SNTB1: variants seen among roughly 807,000 people sequenced by gnomAD.
SNTB1 encodes the protein beta-1-syntrophin.
In SNTB1, 36 loss-of-function variants were observed where a neutral mutation model predicts 48.9. The observed-to-expected ratio is 0.74, with a 90% CI of 0.56 to 0.97. SNTB1 has a LOEUF of 0.97. SNTB1 is among the 50% of genes least tolerant of loss of function. The pLI is 0.00. For synonymous variants in SNTB1, 299 were observed against 294.6 expected, an observed-to-expected ratio of 1.01 and a Z score of -0.15; for missense variants, 786 against 703.4, an observed-to-expected ratio of 1.12 and a Z score of -1.33.
At chr8:120,693,144 A>G (rs1664193031) in intron 2 of SNTB1, among the ~76,000 whole-genome samples, 1 of 152,154 alleles carries the variant, frequency 6.6e-6, no homozygotes, top group African/African-American at 2.4e-5. Flanking sequence ...TTGAACTAAT[A>G]GAGCAAGAAC....
intron 2 of SNTB1, among the ~76,000 whole-genome samples, chr8:120,634,738 G>C (rs1027299336): frequency 6.6e-6 from 1 of 152,072 alleles, no homozygotes; most frequent in Non-Finnish European, 1.5e-5. Context: ...GTTAACATTT[G>C]AAACCAAACT....
rs770747477 is a variant in SNTB1 at position 120,538,885 on chromosome 8, C to T, written c.1609G>A (p.Val537Met). The change falls in exon 7 of 7, where the codon GTG becomes ATG. Residue 537 changes from valine to methionine, a missense_variant. Val to Met is a conservative substitution (Grantham distance 21). Transcript: ENST00000517992. The part of the protein sequence containing the change: ...LSAKITRLGL[V>M]A ...GCAAGTCACCCCTGTCTTCAGGCCACCAAGCCCAGTCTTGTAATCTTAGCT... is the reference window on the plus strand; with the variant it reads ...GCAAGTCACCCCTGTCTTCAGGCCATCAAGCCCAGTCTTGTAATCTTAGCT... The T allele has an allele frequency of 1.9e-6, 3 of 1,613,192 alleles. No homozygotes were observed. The highest frequency in any genetic ancestry group is 2.5e-6 in the Non-Finnish European group (3 of 1,179,526).
intron 3 of SNTB1, among the ~76,000 whole-genome samples, chr8:120,603,570 T>C (rs138360548): frequency 6.6e-6 from 1 of 152,322 alleles, no homozygotes; most frequent in African/African-American, 2.4e-5. Context: ...ACCTCAAACC[T>C]ACTGAATCAG....
At chr8:120,566,762 G>C (rs1171537336) in intron 4 of SNTB1, among the ~76,000 whole-genome samples, 1 of 152,154 alleles carries the variant, frequency 6.6e-6, no homozygotes, top group Non-Finnish European at 1.5e-5. Context: ...ACATTTGCTT[G>C]TTTAACAGTC....
At chr8:120,550,964 A>G (rs1338522005) in intron 4 of SNTB1, among the ~76,000 whole-genome samples, 2 of 152,256 alleles carry the variant, frequency 1.3e-5, no homozygotes, top group Non-Finnish European at 2.9e-5. Flanking sequence ...ACTTTAAGAA[A>G]TTAAATAGCT....
intron 2 of SNTB1, among the ~76,000 whole-genome samples, chr8:120,647,253 A>T: frequency 9.0e-6 from 1 of 111,096 alleles, no homozygotes; most frequent in Admixed American, 9.5e-5. Context: ...TCTAATTGTG[A>T]TGTTAGGGTG....
chr8:120,708,064 G>T (rs1474111057), intron 1 of SNTB1, among the ~76,000 whole-genome samples: 1 of 151,584 alleles, frequency 6.6e-6, no homozygotes, highest in African/African-American at 2.4e-5. Context: ...CATAAAATTT[G>T]TATTATAAAC....
chr8:120,575,133 C>A lies in SNTB1; in HGVS notation c.1089G>T (p.Lys363Asn). The A allele has an allele frequency of 6.2e-7, 1 of 1,614,158 alleles. No individual in the cohort carries two copies. Among genetic ancestry groups the A allele is most frequent in the South Asian group, 1.1e-5 (1 of 91,074 alleles). ...LLIYDSMPRRKEAWFSPVHTY... is the reference protein window; with the variant it reads ...LLIYDSMPRRNEAWFSPVHTY... ...TGTGAACTGGGCTGAACCAGGCTTC[C>A]TTCCTCCGTGGCATGCTGTCATAGA... Residue 363 changes from lysine to asparagine, a missense_variant, in exon 4 of 7, where the codon AAG becomes AAT. Coordinates refer to ENST00000517992, the MANE Select transcript of SNTB1 (RefSeq NM_021021.4).
intron 1 of SNTB1, among the ~76,000 whole-genome samples, chr8:120,795,115 T>C (rs79184369): frequency 0.029 from 4,371 of 152,192 alleles, 197 homozygotes; most frequent in African/African-American, 0.1. Flanking sequence ...GAAATACTTA[T>C]ACATTTAAAA....
At position 120,686,912 on chromosome 8, in the gene SNTB1, C is replaced by T. The variant is rs1447682324; in HGVS notation, c.788+6780G>A. On this transcript the variant is annotated intron_variant, in intron 2 of 6. Transcript: ENST00000517992. ...AGTTTCCATTATGAAGCCACCATGA[C>T]GTGCCCAACAAAGAATGAAGAAACT... 2.6e-5 allele frequency among the ~76,000 whole-genome samples: 4 copies of T among 152,040 alleles called. No homozygotes were observed. The East Asian group carries it at 5.8e-4, about 22-fold the overall frequency.
At position 120,636,087 on chromosome 8, in the gene SNTB1, T is replaced by C. The variant is rs1050205390; in HGVS notation, c.789-3436A>G. 25 of 483,322 alleles carry C rather than the reference T, an allele frequency of 5.2e-5. 1 individual carries two copies. Among genetic ancestry groups the C allele is most frequent in the Non-Finnish European group, 6.5e-5 (21 of 322,418 alleles). 29.9% of individuals were successfully genotyped at this position (483,322 alleles called of 1,614,324 possible). ...TTATTTTAAAAAGGAATTTATTTCTTATAGTTATGAAGGCTGAGAAGTCCA... is the reference window on the plus strand; with the variant it reads ...TTATTTTAAAAAGGAATTTATTTCTCATAGTTATGAAGGCTGAGAAGTCCA... On this transcript the variant is annotated intron_variant, in intron 2 of 6. Coordinates refer to ENST00000517992, the MANE Select transcript of SNTB1 (RefSeq NM_021021.4).
rs1397570185 is a variant in SNTB1 at position 120,811,565 on chromosome 8, G to T, written c.279C>A (p.Thr93=). Residue 93 remains threonine, a synonymous_variant, in exon 1 of 7, where the codon ACC becomes ACA. Transcript: ENST00000517992. ...CCTGCTCGGGCAGGTCGGTGAAAGC[G>T]GTGCGGACCCCGGCGGGCGAGTCCG... ...QPPDSPAGVR[T]AFTDLPEQVP... is the part of the protein sequence containing the mutation. 2 of 1,580,410 alleles carry T rather than the reference G, an allele frequency of 1.3e-6. No individual in the cohort carries two copies. Among genetic ancestry groups the T allele is most frequent in the Non-Finnish European group, 1.7e-6 (2 of 1,163,646 alleles).
At chr8:120,651,148 G>T (rs1817405548) in intron 2 of SNTB1, among the ~76,000 whole-genome samples, 2 of 152,200 alleles carry the variant, frequency 1.3e-5, no homozygotes, top group South Asian at 4.2e-4. Context: ...GTATTGTATT[G>T]GTCCAATGAA....
chr8:120,811,808 C>G lies in SNTB1; in HGVS notation c.36G>C (p.Pro12=). 1 of 1,370,890 alleles carries G rather than the reference C, an allele frequency of 7.3e-7. No individual in the cohort carries two copies. Among genetic ancestry groups the G allele is most frequent in the Non-Finnish European group, 9.4e-7 (1 of 1,065,838 alleles). The allele number at this position is 1,370,890 out of a possible 1,614,324, so 84.9% of individuals were successfully genotyped here. A position where few individuals can be genotyped will look rare whatever the true frequency, so the allele number is the denominator to read the frequency against. The part of the protein sequence containing the change: ...AVAAAAAAAG[P]AGAGGGRAQR... ...GCGCCCGGCCGCCTCCCGCGCCAGC[C>G]GGCCCAGCCGCCGCCGCCGCCGCCG... Residue 12 remains proline, a synonymous_variant, in exon 1 of 7, where the codon CCG becomes CCC. Transcript: ENST00000517992.
intron 4 of SNTB1, among the ~76,000 whole-genome samples, chr8:120,565,634 A>C (rs1815736423): frequency 6.6e-6 from 1 of 152,208 alleles, no homozygotes; most frequent in Non-Finnish European, 1.5e-5. Flanking sequence ...GCTGTTGATC[A>C]CTCTGTGAGG....
In SNTB1 at chr8:120,785,212, G is replaced by A. The variant is rs538900055; in HGVS notation, c.571+26061C>T. On this transcript the variant is annotated intron_variant, in intron 1 of 6. Transcript: ENST00000517992. ...ATGAAACCCTATGACCAGAACCATT[G>A]AGAGAGCAGGAAGTGTGCTACAGCC... Among the ~76,000 whole-genome samples the A allele has an allele frequency of 1.1e-4, 16 of 152,324 alleles. No individual in the cohort carries two copies. In the East Asian group the frequency reaches 2.7e-3, roughly 26 times the overall value.
intron 2 of SNTB1, among the ~76,000 whole-genome samples, chr8:120,639,428 A>G (rs1194202283): frequency 6.6e-6 from 1 of 152,086 alleles, no homozygotes; most frequent in African/African-American, 2.4e-5. Context: ...TTTTGTTGCC[A>G]TTGCTTTTGT....
chr8:120,757,499 T>C (rs891097748), intron 1 of SNTB1, among the ~76,000 whole-genome samples: 1 of 152,210 alleles, frequency 6.6e-6, no homozygotes, highest in African/African-American at 2.4e-5. Flanking sequence ...ACATGACAGC[T>C]GCATTTAAAC....
chr8:120,790,816 CA>C (rs1233970900), intron 1 of SNTB1, among the ~76,000 whole-genome samples: 3 of 151,600 alleles, frequency 2.0e-5, no homozygotes, highest in African/African-American at 2.4e-5. Flanking sequence ...ACATACTGCC[CA>C]AAGCAATCTA....
Sources: gnomAD v4.1 joint callset for allele counts (sites outside exome capture counted in the v4.1 genomes callset) on GRCh38, gnomAD v4.1.1 for gene constraint, MANE v1.5 for transcripts, NCBI Gene and HGNC (gene_info 2026-07-23, HGNC 2026-07-21) for gene names.